The following TMTC2 variants were observed in gnomAD, a reference collection of about 807,000 sequenced individuals.
TMTC2 encodes the protein transmembrane O-mannosyltransferase targeting cadherins 2.
A neutral mutation model predicts 82.4 loss-of-function variants in TMTC2; 43 were observed. The observed-to-expected ratio is 0.52, with a 90% CI of 0.41 to 0.67. TMTC2 has a LOEUF of 0.67. TMTC2 is among the 30% of genes least tolerant of loss of function. TMTC2 has a pLI of 0.00. For missense variants in TMTC2, 919 were observed against 1,012.4 expected, an observed-to-expected ratio of 0.91 and a Z score of 1.25; for synonymous variants, 408 against 381.9, an observed-to-expected ratio of 1.07 and a Z score of -0.80.
intron 3 of TMTC2, among the ~76,000 whole-genome samples, chr12:82,927,046 TTA>T (rs559918181): frequency 7.5e-4 from 114 of 152,296 alleles, no homozygotes; most frequent in African/African-American, 2.6e-3. Flanking sequence ...GATCAAGGAA[TTA>T]TTTTGACTTT....
At chr12:82,835,157 C>G (rs1869965618) in intron 1 of TMTC2, among the ~76,000 whole-genome samples, 1 of 152,206 alleles carries the variant, frequency 6.6e-6, no homozygotes, top group African/African-American at 2.4e-5. Context: ...GCCACCACAC[C>G]TGGCCTATTG....
chr12:82,687,545 C>T lies in TMTC2; in HGVS notation c.-42C>T, dbSNP rs1444392706. 3.8e-6 allele frequency: 6 copies of T among 1,566,194 alleles called. No individual in the cohort carries two copies. The highest frequency in any genetic ancestry group is 5.2e-6 in the Non-Finnish European group (6 of 1,152,918). On this transcript the variant is annotated 5_prime_UTR_variant, in exon 1 of 12. Transcript: ENST00000321196. Reference sequence around the variant, plus strand: ...CTTCTGTTTTTTGTTGCCGCTGCTGCCCTCGCGCTGGGAGCCGAGCCGGAG... The same window carrying T: ...CTTCTGTTTTTTGTTGCCGCTGCTGTCCTCGCGCTGGGAGCCGAGCCGGAG...
At chr12:83,080,385 CTG>C (rs1000367908) in intron 11 of TMTC2, among the ~76,000 whole-genome samples, 3 of 150,362 alleles carry the variant, frequency 2.0e-5, no homozygotes, top group African/African-American at 7.3e-5. Flanking sequence ...CTCTCTCTCT[CTG>C]TGTGTGTGTG....
In TMTC2 at chr12:82,879,005, A is replaced by G. The variant is rs149225759; in HGVS notation, c.655-16813A>G. On this transcript the variant is annotated intron_variant, in intron 2 of 11. Coordinates refer to ENST00000321196, the MANE Select transcript of TMTC2 (RefSeq NM_152588.3). The stretch of plus-strand genomic sequence containing the variant: ...GTCTCTTGGTGAACACTTCCAACAC[A>G]TATAGACATCAATTTCCTCACTGCA... Among the ~76,000 whole-genome samples the G allele has an allele frequency of 8.8e-3, 1,345 of 152,340 alleles. 5 individuals are homozygous for G. The highest frequency in any genetic ancestry group is 0.014 in the Non-Finnish European group (945 of 68,030).
intron 4 of TMTC2, among the ~76,000 whole-genome samples, chr12:82,943,215 C>T (rs946714038): frequency 2.0e-5 from 3 of 152,206 alleles, no homozygotes; most frequent in Non-Finnish European, 2.9e-5. Context: ...GTTTGACAAG[C>T]TTGTCTCTCA....
intron 1 of TMTC2, among the ~76,000 whole-genome samples, chr12:82,767,969 G>A (rs117675158): frequency 1.3e-5 from 2 of 152,102 alleles, no homozygotes; most frequent in African/African-American, 4.8e-5. Flanking sequence ...TGTGCTTCCT[G>A]AAACAATTCG....
chr12:83,089,882 C>T (rs191386074), intron 11 of TMTC2, among the ~76,000 whole-genome samples: 150 of 151,474 alleles, frequency 9.9e-4, no homozygotes, highest in South Asian at 1.0e-3. Flanking sequence ...TCATTTTTGT[C>T]CTTCTTCACG....
chr12:83,004,008 G>A (rs1345150536), intron 8 of TMTC2, among the ~76,000 whole-genome samples: 1 of 152,096 alleles, frequency 6.6e-6, no homozygotes, highest in East Asian at 1.9e-4. Flanking sequence ...GAATGCCAGT[G>A]AATTGCAGTT....
intron 1 of TMTC2, among the ~76,000 whole-genome samples, chr12:82,778,213 A>G (rs1485119432): frequency 1.3e-5 from 2 of 152,156 alleles, no homozygotes; most frequent in Non-Finnish European, 2.9e-5. Flanking sequence ...GGCAGAGAGC[A>G]TATCTAAAGT....
chr12:82,862,315 A>G (rs2137122621), intron 2 of TMTC2, among the ~76,000 whole-genome samples: 1 of 152,294 alleles, frequency 6.6e-6, no homozygotes, highest in East Asian at 1.9e-4. Flanking sequence ...TTGCTTGCCT[A>G]GTGGCCATTT....
intron 1 of TMTC2, among the ~76,000 whole-genome samples, chr12:82,849,136 T>C (rs1267929754): frequency 6.6e-6 from 1 of 152,064 alleles, no homozygotes; most frequent in East Asian, 1.9e-4. Flanking sequence ...GGAGTGCTGG[T>C]ATTAGAGTTA....
intron 2 of TMTC2, among the ~76,000 whole-genome samples, chr12:82,867,587 A>G (rs73360212): frequency 0.033 from 4,984 of 152,308 alleles, 279 homozygotes; most frequent in African/African-American, 0.11. Flanking sequence ...AGAGACCTTG[A>G]TTATATGCAA....
intron 11 of TMTC2, among the ~76,000 whole-genome samples, chr12:83,116,811 AT>A (rs140491460): frequency 0.035 from 5,348 of 151,976 alleles, 150 homozygotes; most frequent in South Asian, 0.099. Context: ...GTTTGAGTTC[AT>A]TGTAGAGTCT....
intron 4 of TMTC2, among the ~76,000 whole-genome samples, chr12:82,939,599 A>G (rs1173577405): frequency 6.6e-6 from 1 of 152,142 alleles, no homozygotes; most frequent in Non-Finnish European, 1.5e-5. Flanking sequence ...ATACTTACCT[A>G]TCATCTAGAA....
intron 1 of TMTC2, among the ~76,000 whole-genome samples, chr12:82,778,352 A>G (rs999480808): frequency 6.6e-6 from 1 of 152,144 alleles, no homozygotes; most frequent in Non-Finnish European, 1.5e-5. Flanking sequence ...CATCCTTCTG[A>G]CAAAGTTTGA....
chr12:82,804,817 T>C (rs1342242512), intron 1 of TMTC2, among the ~76,000 whole-genome samples: 2 of 152,150 alleles, frequency 1.3e-5, no homozygotes, highest in Non-Finnish European at 2.9e-5. Flanking sequence ...ACCATTAGCA[T>C]ATAACAGGCA....
intron 3 of TMTC2, among the ~76,000 whole-genome samples, chr12:82,915,713 T>C (rs1244522995): frequency 6.6e-6 from 1 of 152,366 alleles, no homozygotes; most frequent in East Asian, 1.9e-4. Flanking sequence ...TTGGTCTTTC[T>C]AAGGGTTCTT....
intron 1 of TMTC2, among the ~76,000 whole-genome samples, chr12:82,690,034 G>A (rs1297516585): frequency 1.3e-5 from 2 of 152,286 alleles, no homozygotes; most frequent in East Asian, 3.9e-4. Context: ...TAGAAATTAT[G>A]AGACACATAA....
intron 1 of TMTC2, among the ~76,000 whole-genome samples, chr12:82,698,215 T>A (rs929805502): frequency 2.6e-5 from 4 of 152,214 alleles, no homozygotes; most frequent in African/African-American, 9.6e-5. Flanking sequence ...TTTCCTTTCT[T>A]TTTAAAATAC....
Sources: allele counts gnomAD v4.1 joint callset (sites outside exome capture counted in the v4.1 genomes callset), GRCh38; gene constraint gnomAD v4.1.1; transcripts MANE v1.5; gene names NCBI Gene and HGNC (gene_info 2026-07-23, HGNC 2026-07-21).